Variants in CCDC187 observed in about 807,000 individuals in gnomAD.
The protein encoded by CCDC187 is coiled-coil domain containing 187.
In CCDC187, 32 loss-of-function variants were observed where a neutral mutation model predicts 38.0. The observed-to-expected ratio is 0.84, with a 90% confidence interval of 0.64 to 1.13. The LOEUF (loss-of-function observed/expected upper bound fraction) is 1.13. CCDC187 is among the 50% of genes most tolerant of loss of function. The probability of loss-of-function intolerance (pLI) is 0.00; values close to 1 mark genes in which losing one functional copy is unlikely to be tolerated. For synonymous variants in CCDC187, 333 were observed against 347.9 expected (o/e 0.96, Z 0.48); for missense variants, 707 against 786.8 (o/e 0.90, Z 1.21).
At chr9:136,260,586 C>T (rs547162368) in intron 19 of CCDC187, among the ~76,000 whole-genome samples, 18 of 151,926 alleles carry the variant, frequency 1.2e-4, no homozygotes, top group South Asian at 2.1e-4. Context: ...TCCAGGCACC[C>T]CCCCATCTGA....
At chr9:136,297,531 G>C (rs1309650020) in intron 4 of CCDC187, among the ~76,000 whole-genome samples, 183 bp downstream of exon 4, 1 of 152,104 alleles carries the variant, frequency 6.6e-6, no homozygotes. Flanking sequence ...CAGTTGCCTG[G>C]GACACCAGCC....
rs1830706808 is a variant in CCDC187 at position 136,263,664 on chromosome 9, G to A, written c.3870C>T (p.Val1290=). 7 of 985,470 alleles carry A rather than the reference G, an allele frequency of 7.1e-6. No homozygotes were observed. The highest frequency in any genetic ancestry group is 3.5e-5 in the African/African-American group (2 of 57,370). 61.0% of individuals were successfully genotyped at this position (985,470 alleles called of 1,614,324 possible). ...DILPIPGPTD[V]VPAHELQAQA... ...GGGCCTGCAGCTCGTGCGCTGGGAC[G>A]ACGTCCGTGGGCCCCGGGATGGGGA... The change falls in exon 18 of 26, where the codon GTC becomes GTT. Residue 1290 remains valine, a synonymous_variant. Transcript: ENST00000638797.
chr9:136,290,476 C>T lies in CCDC187; in HGVS notation c.2127+10G>A, dbSNP rs986038100. On this transcript the variant is annotated intron_variant, in intron 6 of 25. Coordinates refer to ENST00000638797, the MANE Select transcript of CCDC187 (RefSeq NM_001378188.1). ...GAGCCGAGTCCCCCCAACCCAACCC[C>T]AGCATGTACCCCGGACTGTGCAGAA... 13 of 398,594 alleles carry T rather than the reference C, an allele frequency of 3.3e-5. No individual in the cohort carries two copies. Among genetic ancestry groups the T allele is most frequent in the African/African-American group, 2.1e-4 (10 of 48,630 alleles). 24.7% of individuals were successfully genotyped at this position (398,594 alleles called of 1,614,324 possible).
chr9:136,305,108 G>A (rs1831779487), upstream of CCDC187, among the ~76,000 whole-genome samples: 1 of 152,244 alleles, frequency 6.6e-6, no homozygotes, highest in Admixed American at 6.5e-5. Context: ...GCCACCAGCA[G>A]CCTCGGAGGG....
chr9:136,305,364 C>T (rs1049538655), upstream of CCDC187, among the ~76,000 whole-genome samples: 2 of 152,168 alleles, frequency 1.3e-5, no homozygotes, highest in African/African-American at 2.4e-5. Context: ...GGAGCCTGAA[C>T]GGCTCTCAGG....
In CCDC187 at chr9:136,254,889, T is replaced by A; in HGVS notation, c.4939A>T (p.Ser1647Cys). 3.0e-6 allele frequency: 3 copies of A among 985,466 alleles called. No homozygotes were observed. Among genetic ancestry groups the A allele is most frequent in the South Asian group, 9.4e-5 (2 of 21,286 alleles). The allele number at this position is 985,466 out of a possible 1,614,324, so 61.0% of individuals were successfully genotyped here. ...ATLIQLSGSS[S>C]SLPSLEAEDS... ...TCAGCTTCCAAGCTGGGAAGAGAGCTGGAGCTCCCAGAAAGCTGGATCAGG... is the reference window on the plus strand; with the variant it reads ...TCAGCTTCCAAGCTGGGAAGAGAGCAGGAGCTCCCAGAAAGCTGGATCAGG... The change falls in exon 26 of 26, where the codon AGC becomes TGC. Residue 1647 changes from serine (S) to cysteine (C), a missense_variant. Coordinates refer to ENST00000638797, the MANE Select transcript of CCDC187 (RefSeq NM_001378188.1).
Position 136,254,802 on chromosome 9 carries a change from C to A in CCDC187, c.5026G>T (p.Glu1676Ter), listed in dbSNP as rs1171547926. 3.0e-6 allele frequency: 3 copies of A among 985,392 alleles called. No individual in the cohort carries two copies. Among genetic ancestry groups the A allele is most frequent in the Non-Finnish European group, 3.6e-6 (3 of 830,002 alleles). 61.0% of individuals were successfully genotyped at this position (985,392 alleles called of 1,614,324 possible). ...CGCCAGGACAAAGGCAGGCCAGCTT[C>A]CCCCGAGGAGTGTCGGGCAGAGAGC... ...GELSARHSSG[E>*]AGLPLSWRSN... The change falls in exon 26 of 26, where the codon GAA (glutamate) becomes TAA (stop). Residue 1676 changes from glutamate (E) to a stop codon, truncating the protein, a stop_gained. Coordinates refer to ENST00000638797, the MANE Select transcript of CCDC187 (RefSeq NM_001378188.1). LOFTEE classifies it low-confidence loss of function (END_TRUNC).
chr9:136,294,294 T>C (rs1378176927), intron 4 of CCDC187, among the ~76,000 whole-genome samples: 1 of 134,166 alleles, frequency 7.5e-6, no homozygotes, highest in Non-Finnish European at 1.6e-5. Context: ...GTGCTCTCAC[T>C]CTCACACGCT....
At position 136,286,541 on chromosome 9, in the gene CCDC187, G is replaced by T; in HGVS notation, c.2377C>A (p.Leu793Ile). ...AGGTAGATGCACATCCCCCGGGGTA[G>T]GTAGCGGGTGGTCAGGTCCTGGAGC... Reference protein sequence around the residue: ...LELQDLTTRYLPRGMCIYLDP... With the variant: ...LELQDLTTRYIPRGMCIYLDP... Residue 793 changes from leucine (L) to isoleucine (I), a missense_variant, in exon 8 of 26, where the codon CTA becomes ATA. Physicochemically the swap from Leu to Ile is conservative, Grantham distance 5. Coordinates refer to ENST00000638797, the MANE Select transcript of CCDC187 (RefSeq NM_001378188.1). 2.5e-6 allele frequency: 1 copy of T among 398,738 alleles called. No individual in the cohort carries two copies. The highest frequency in any genetic ancestry group is 4.4e-6 in the Non-Finnish European group (1 of 226,114). 24.7% of individuals were successfully genotyped at this position (398,738 alleles called of 1,614,324 possible).
At position 136,253,144 on chromosome 9, in the gene CCDC187, A is replaced by T. The variant is rs1025440929; in HGVS notation, c.*450T>A. 1 of 152,242 alleles carries T rather than the reference A, an allele frequency of 6.6e-6. No individual in the cohort carries two copies. Among genetic ancestry groups the T allele is most frequent in the Non-Finnish European group, 1.5e-5 (1 of 68,120 alleles). The allele number at this position is 152,242 out of a possible 1,614,324, so 9.4% of individuals were successfully genotyped here. A position where few individuals can be genotyped will look rare whatever the true frequency, so the allele number is the denominator to read the frequency against. On this transcript the variant is annotated 3_prime_UTR_variant, in exon 26 of 26. Transcript: ENST00000638797. ...CTCGGCTGCCCAGGGACCCTGCCGCAGGTGAGGCAGTGTCCAGGAGCTCAT... is the reference window on the plus strand; with the variant it reads ...CTCGGCTGCCCAGGGACCCTGCCGCTGGTGAGGCAGTGTCCAGGAGCTCAT...
intron 3 of CCDC187, among the ~76,000 whole-genome samples, chr9:136,298,679 C>T (rs1322955337): frequency 2.0e-5 from 3 of 152,248 alleles, no homozygotes; most frequent in Non-Finnish European, 4.4e-5. Context: ...CAGGAGGAGC[C>T]TCAAGAGCCA....
intron 10 of CCDC187, among the ~76,000 whole-genome samples, chr9:136,277,731 CA>C (rs1830960676): frequency 6.6e-6 from 1 of 152,192 alleles, no homozygotes; most frequent in African/African-American, 2.4e-5. Context: ...CCTGGCCCCA[CA>C]GAGGCTGCCA....
intron 9 of CCDC187, 121 bp from the exon 10 acceptor site, chr9:136,281,784 C>T (rs1413726715): frequency 2.5e-6 from 1 of 397,466 alleles, no homozygotes; most frequent in East Asian, 3.6e-5. Flanking sequence ...TGGAGCAGCT[C>T]TCAGACCCCC....
At chr9:136,290,456 G>A (rs975821958) in intron 6 of CCDC187, 30 bp downstream of exon 6, 11 of 398,200 alleles carry the variant, frequency 2.8e-5, no homozygotes, top group African/African-American at 1.0e-4. Flanking sequence ...TGGCTGAGCC[G>A]AGTCCCCCCA....
intron 19 of CCDC187, among the ~76,000 whole-genome samples, chr9:136,261,922 C>T (rs374109312): frequency 5.9e-5 from 9 of 152,238 alleles, no homozygotes; most frequent in African/African-American, 1.4e-4. Flanking sequence ...ATCAGGAAGC[C>T]GGGAGGCTCT....
intron 6 of CCDC187, 33 bp from the exon 7 acceptor site, chr9:136,290,086 C>T (rs934241560): frequency 4.9e-4 from 195 of 398,772 alleles, no homozygotes; most frequent in Middle Eastern, 6.3e-4. Flanking sequence ...CAGAGCCCCC[C>T]GCTCGGGAAG....
chr9:136,254,963 C>T lies in CCDC187; in HGVS notation c.4865G>A (p.Ser1622Asn). 1.0e-6 allele frequency: 1 copy of T among 985,508 alleles called. No individual in the cohort carries two copies. Among genetic ancestry groups the T allele is most frequent in the African/African-American group, 1.7e-5 (1 of 57,374 alleles). 61.0% of individuals were successfully genotyped at this position (985,508 alleles called of 1,614,324 possible). A position where few individuals can be genotyped will look rare whatever the true frequency, so the allele number is the denominator to read the frequency against. The change falls in exon 26 of 26, where the codon AGC (serine) becomes AAC (asparagine). Residue 1622 changes from serine (S) to asparagine (N), a missense_variant. By Grantham distance (46) the Ser-to-Asn change is conservative. Transcript: ENST00000638797. ...CCAGAGAGAGGGACAGGACAGGCTG[C>T]TCACAGAGCCTGCTGGGGAGGTGTG... ...SSHTSPAGSV[S>N]SLSCPSLWEF...
intron 20 of CCDC187, 38 bp downstream of exon 20, chr9:136,260,081 C>G (rs1830663005): frequency 4.1e-6 from 4 of 985,372 alleles, no homozygotes; most frequent in Non-Finnish European, 4.8e-6. Flanking sequence ...GAATGAGCAT[C>G]CGTCTGACCC....
Position 136,260,196 on chromosome 9 carries a change from G to A in CCDC187, c.4133C>T (p.Pro1378Leu). 1.0e-6 allele frequency: 1 copy of A among 985,528 alleles called. No homozygotes were observed. Among genetic ancestry groups the A allele is most frequent in the Non-Finnish European group, 1.2e-6 (1 of 830,128 alleles). 61.0% of individuals were successfully genotyped at this position (985,528 alleles called of 1,614,324 possible). ...TTSDADGHQQPPRPAWGEDTH... is the reference protein window; with the variant it reads ...TTSDADGHQQLPRPAWGEDTH... Reference sequence around the variant, plus strand: ...GTCCTCGCCCCATGCTGGCCTCGGAGGCTGCTGGTGACCATCTGCATCGGA... The same window carrying A: ...GTCCTCGCCCCATGCTGGCCTCGGAAGCTGCTGGTGACCATCTGCATCGGA... Residue 1378 changes from proline (P) to leucine (L), a missense_variant, in exon 20 of 26, where the codon CCT becomes CTT. Coordinates refer to ENST00000638797, the MANE Select transcript of CCDC187 (RefSeq NM_001378188.1).
Sources: gnomAD v4.1 joint callset for allele counts (sites outside exome capture counted in the v4.1 genomes callset) on GRCh38, gnomAD v4.1.1 for gene constraint, MANE v1.5 for transcripts, NCBI Gene and HGNC (gene_info 2026-07-23, HGNC 2026-07-21) for gene names.